GMDS: variants seen among roughly 807,000 people sequenced by gnomAD.
The protein encoded by GMDS is GDP-mannose 4,6 dehydratase.
Under a neutral mutation model 49.9 loss-of-function variants are expected in GMDS, and 20 were observed. The observed-to-expected ratio is 0.40, with a 90% CI of 0.28 to 0.58. GMDS has a LOEUF of 0.58. Ranked by LOEUF, GMDS falls within the 20% of genes least tolerant of loss-of-function variation. The pLI, the probability that GMDS is intolerant of heterozygous loss-of-function variation, is 0.42. For synonymous variants in GMDS, 177 were observed against 178.6 expected (o/e 0.99, Z 0.07); for missense variants, 362 against 481.4 (o/e 0.75, Z 2.32).
chr6:1,912,782 C>G (rs1761135973), intron 7 of GMDS, among the ~76,000 whole-genome samples: 2 of 152,166 alleles, frequency 1.3e-5, no homozygotes, highest in African/African-American at 4.8e-5. Flanking sequence ...TAAGTGCACA[C>G]TTGGTCAGAA....
At chr6:1,835,372 A>G (rs1192918286) in intron 7 of GMDS, among the ~76,000 whole-genome samples, 1 of 152,178 alleles carries the variant, frequency 6.6e-6, no homozygotes, top group South Asian at 2.1e-4. Context: ...TCCTTTCCCA[A>G]CTCAGCTCCC....
intron 4 of GMDS, among the ~76,000 whole-genome samples, chr6:1,978,395 A>G (rs1252836114): frequency 1.3e-5 from 2 of 152,178 alleles, no homozygotes; most frequent in Non-Finnish European, 2.9e-5. Flanking sequence ...GGTTGGTTGG[A>G]TAACTCAGCC....
intron 4 of GMDS, among the ~76,000 whole-genome samples, chr6:2,006,419 T>A (rs1294946404): frequency 6.6e-6 from 1 of 151,834 alleles, no homozygotes; most frequent in South Asian, 2.1e-4. Context: ...CACAGCAAGA[T>A]CCTGTCTCCA....
intron 1 of GMDS, among the ~76,000 whole-genome samples, chr6:2,235,999 C>T (rs1214672744): frequency 2.6e-5 from 4 of 152,130 alleles, no homozygotes; most frequent in African/African-American, 9.7e-5. Context: ...CTTTCCTGTA[C>T]AGGACATCTG....
intron 4 of GMDS, among the ~76,000 whole-genome samples, chr6:1,987,452 T>C (rs1765623032): frequency 6.6e-6 from 1 of 152,208 alleles, no homozygotes. Context: ...CACTTGACAG[T>C]CGTATTTTTG....
intron 7 of GMDS, among the ~76,000 whole-genome samples, chr6:1,852,996 C>T (rs1459177910): frequency 6.6e-6 from 1 of 152,024 alleles, no homozygotes; most frequent in Non-Finnish European, 1.5e-5. Flanking sequence ...GCCACCGCGC[C>T]TGCCTGGGAT....
At chr6:1,970,411 TC>T (rs1001600176) in intron 4 of GMDS, among the ~76,000 whole-genome samples, 17 of 152,148 alleles carry the variant, frequency 1.1e-4, no homozygotes, top group Admixed American at 1.0e-3. Context: ...TGCAGATCTT[TC>T]CCCCGCCCCC....
intron 4 of GMDS, among the ~76,000 whole-genome samples, chr6:2,065,876 A>G (rs924095034): frequency 6.6e-5 from 10 of 152,234 alleles, no homozygotes; most frequent in Non-Finnish European, 1.3e-4. Flanking sequence ...AACTTCCCCA[A>G]TCTAGCAAGG....
chr6:1,758,223 C>G (rs1274406180), intron 7 of GMDS, among the ~76,000 whole-genome samples: 2 of 152,250 alleles, frequency 1.3e-5, no homozygotes, highest in African/African-American at 4.8e-5. Context: ...CTCCACAGCA[C>G]GGCTGGAGGA....
chr6:1,960,563 C>A (rs1231901964), intron 5 of GMDS, among the ~76,000 whole-genome samples: 3 of 152,152 alleles, frequency 2.0e-5, no homozygotes, highest in African/African-American at 7.2e-5. Flanking sequence ...GGTAATTTCA[C>A]CCCGAAGGCA....
chr6:1,653,356 G>A (rs1182541522), intron 9 of GMDS, among the ~76,000 whole-genome samples: 1 of 152,164 alleles, frequency 6.6e-6, no homozygotes, highest in Non-Finnish European at 1.5e-5. Context: ...ACTATTGTTA[G>A]GGTAAAGATC....
chr6:1,749,190 AG>A (rs1443854944), intron 7 of GMDS, among the ~76,000 whole-genome samples: 1 of 152,298 alleles, frequency 6.6e-6, no homozygotes, highest in Non-Finnish European at 1.5e-5. Flanking sequence ...CATGAATTGT[AG>A]GGCTGCCCTG....
At chr6:1,639,364 A>C (rs1237476439) in intron 9 of GMDS, among the ~76,000 whole-genome samples, 1 of 152,216 alleles carries the variant, frequency 6.6e-6, no homozygotes. Context: ...TTCCCAGAGA[A>C]GATATTCCCT....
At chr6:2,221,256 T>C (rs1780573585) in intron 1 of GMDS, among the ~76,000 whole-genome samples, 1 of 152,276 alleles carries the variant, frequency 6.6e-6, no homozygotes, top group Non-Finnish European at 1.5e-5. Flanking sequence ...TGGCTTCACG[T>C]AGAATTCCAG....
chr6:2,245,215 C>G (rs1781807067), intron 1 of GMDS, 106 bp downstream of exon 1: 4 of 784,930 alleles, frequency 5.1e-6, no homozygotes, highest in Non-Finnish European at 8.4e-6. Flanking sequence ...TCCGGGACGC[C>G]GAGAGGGCTG....
At chr6:1,937,439 C>T (rs1762606931) in intron 6 of GMDS, among the ~76,000 whole-genome samples, 2 of 152,180 alleles carry the variant, frequency 1.3e-5, no homozygotes, top group Admixed American at 1.3e-4. Context: ...CTAGGGCTGC[C>T]ATAACAAACT....
At chr6:1,788,679 A>G (rs966318547) in intron 7 of GMDS, among the ~76,000 whole-genome samples, 2 of 152,246 alleles carry the variant, frequency 1.3e-5, no homozygotes, top group East Asian at 1.9e-4. Flanking sequence ...GAAATATCCA[A>G]GTTTCTCAAA....
chr6:1,714,005 T>C (rs918493241), intron 9 of GMDS, among the ~76,000 whole-genome samples: 1 of 152,204 alleles, frequency 6.6e-6, no homozygotes, highest in African/African-American at 2.4e-5. Flanking sequence ...GGAAAATCTC[T>C]ATAAGCCCAA....
intron 6 of GMDS, among the ~76,000 whole-genome samples, chr6:1,936,338 G>A (rs1478010987): frequency 6.6e-6 from 1 of 152,132 alleles, no homozygotes; most frequent in Non-Finnish European, 1.5e-5. Flanking sequence ...AGACTTGAAG[G>A]CTAAGACTAC....
Sources: gnomAD v4.1 joint callset for allele counts (sites outside exome capture counted in the v4.1 genomes callset) on GRCh38, gnomAD v4.1.1 for gene constraint, MANE v1.5 for transcripts, NCBI Gene and HGNC (gene_info 2026-07-23, HGNC 2026-07-21) for gene names.